PHKB: variants seen among roughly 807,000 people sequenced by gnomAD.
The protein encoded by PHKB is phosphorylase b kinase regulatory subunit beta.
In PHKB, 122 loss-of-function variants were observed where a neutral mutation model predicts 152.1. That is an observed-to-expected ratio of 0.80 (90% CI 0.69 to 0.93). PHKB has a LOEUF of 0.93. PHKB is among the 40% of genes least tolerant of loss of function. The pLI, the probability that PHKB is intolerant of heterozygous loss-of-function variation, is 0.00. For missense variants in PHKB, 1,304 were observed against 1,328.4 expected, an observed-to-expected ratio of 0.98 and a Z score of 0.29; for synonymous variants, 436 against 464.9, an observed-to-expected ratio of 0.94 and a Z score of 0.80.
chr16:47,520,394 T>C lies in PHKB; in HGVS notation c.594+4793T>C, dbSNP rs1597051428. ...AGGTAGGTACAGTTACTATCTTCAT[T>C]TTACAAATGACCAAAATAATGCAGA... On this transcript the variant is annotated intron_variant, in intron 6 of 30. Transcript: ENST00000323584. Among the ~76,000 whole-genome samples the C allele has an allele frequency of 3.9e-5, 6 of 152,316 alleles. No individual in the cohort carries two copies. In the South Asian group the frequency reaches 1.2e-3, roughly 32 times the overall value.
At chr16:47,650,485 G>C in intron 18 of PHKB, 59 bp from the exon 19 acceptor site, 2 of 987,206 alleles carry the variant, frequency 2.0e-6, no homozygotes, top group Non-Finnish European at 3.3e-6. Flanking sequence ...ACTCATGGTT[G>C]AGCATCCTGT....
chr16:47,656,307 G>GCA (rs1567343844), intron 20 of PHKB, among the ~76,000 whole-genome samples: 1 of 152,152 alleles, frequency 6.6e-6, no homozygotes, highest in Non-Finnish European at 1.5e-5. Context: ...GTGAGCCACC[G>GCA]CGCCTGGCCA....
intron 26 of PHKB, among the ~76,000 whole-genome samples, chr16:47,682,903 T>C (rs1973889391): frequency 6.6e-6 from 1 of 152,222 alleles, no homozygotes; most frequent in Non-Finnish European, 1.5e-5. Context: ...TTTTATCTAC[T>C]TTTGGTCTTT....
intron 2 of PHKB, 113 bp downstream of exon 2, chr16:47,497,601 G>T (rs1027607330): frequency 9.6e-6 from 7 of 732,504 alleles, no homozygotes; most frequent in Non-Finnish European, 1.7e-5. Flanking sequence ...TTGGGATTTG[G>T]GGTACTTTCA....
At chr16:47,595,082 AAATAAT>A (rs1211201931) in intron 12 of PHKB, among the ~76,000 whole-genome samples, 4 of 152,242 alleles carry the variant, frequency 2.6e-5, no homozygotes, top group Non-Finnish European at 5.9e-5. Context: ...TTTATGCTAC[AAATAAT>A]CACTTGTCCA....
intron 5 of PHKB, 102 bp downstream of exon 5, chr16:47,511,874 T>C (rs887676109): frequency 2.0e-5 from 15 of 766,608 alleles, no homozygotes; most frequent in Non-Finnish European, 3.5e-5. Context: ...GAAAACAAGT[T>C]TTCCACGGAT....
chr16:47,544,502 T>C (rs914249321), intron 6 of PHKB, among the ~76,000 whole-genome samples: 1 of 152,226 alleles, frequency 6.6e-6, no homozygotes, highest in African/African-American at 2.4e-5. Context: ...AGTGCTTTAC[T>C]TCCACGTATG....
chr16:47,699,500 G>C lies in PHKB; in HGVS notation c.*134G>C. On this transcript the variant is annotated 3_prime_UTR_variant, in exon 31 of 31. Coordinates refer to ENST00000323584, the MANE Select transcript of PHKB (RefSeq NM_000293.3). ...GAGGTGAATGCCACATCCTTGGCGG[G>C]GTTATGGACCTCTTGCATGTCATAG... 1.0e-6 allele frequency: 1 copy of C among 976,426 alleles called. No homozygotes were observed. Among genetic ancestry groups the C allele is most frequent in the East Asian group, 2.4e-5 (1 of 41,944 alleles). 60.5% of individuals were successfully genotyped at this position (976,426 alleles called of 1,614,324 possible). A position where few individuals can be genotyped will look rare whatever the true frequency, so the allele number is the denominator to read the frequency against.
intron 7 of PHKB, among the ~76,000 whole-genome samples, chr16:47,568,083 C>G (rs1452187916): frequency 6.6e-6 from 1 of 151,966 alleles, no homozygotes; most frequent in African/African-American, 2.4e-5. Context: ...CCTGCTCTGT[C>G]TTTTGGAATA....
At position 47,507,865 on chromosome 16, in the gene PHKB, G is replaced by A. The variant is rs546054939; in HGVS notation, c.406-3800G>A. The stretch of plus-strand genomic sequence containing the variant: ...CCTTCACATCTTGTTGCTGCTTGCC[G>A]TTCTTTTCCTCCTGTCTTGGCCATT... On this transcript the variant is annotated intron_variant, in intron 4 of 30. Transcript: ENST00000323584. 6.6e-5 allele frequency among the ~76,000 whole-genome samples: 10 copies of A among 152,244 alleles called. No individual in the cohort carries two copies. The South Asian group carries it at 1.9e-3, about 28-fold the overall frequency.
chr16:47,530,657 A>T (rs1970846871), intron 6 of PHKB, among the ~76,000 whole-genome samples: 1 of 152,248 alleles, frequency 6.6e-6, no homozygotes, highest in Non-Finnish European at 1.5e-5. Flanking sequence ...TGATCAACAT[A>T]TGGAGAGCAA....
intron 14 of PHKB, among the ~76,000 whole-genome samples, chr16:47,637,125 G>C (rs1034250771): frequency 6.6e-6 from 1 of 152,148 alleles, no homozygotes; most frequent in Non-Finnish European, 1.5e-5. Flanking sequence ...TCCCACTGCG[G>C]GTCTCCTCTC....
At chr16:47,526,068 G>C (rs537928632) in intron 6 of PHKB, among the ~76,000 whole-genome samples, 56 of 152,180 alleles carry the variant, frequency 3.7e-4, no homozygotes, top group Non-Finnish European at 7.2e-4. Flanking sequence ...TGCTACTCAA[G>C]AAGAACTAAC....
intron 2 of PHKB, among the ~76,000 whole-genome samples, chr16:47,498,014 G>T: frequency 6.6e-6 from 1 of 152,274 alleles, no homozygotes; most frequent in East Asian, 1.9e-4. Flanking sequence ...TCAGATATGT[G>T]TATAAGGGCC....
At chr16:47,630,041 G>C (rs191590087) in intron 14 of PHKB, among the ~76,000 whole-genome samples, 12 of 152,026 alleles carry the variant, frequency 7.9e-5, no homozygotes, top group African/African-American at 2.4e-4. Context: ...GGGGGAGGAG[G>C]GGGGGATGGC....
chr16:47,645,225 C>A (rs1393802859), intron 16 of PHKB, among the ~76,000 whole-genome samples: 1 of 145,550 alleles, frequency 6.9e-6, no homozygotes, highest in African/African-American at 2.6e-5. Flanking sequence ...TAATTAGATC[C>A]CATTTGTCAA....
chr16:47,647,515 T>C (rs1402812470), intron 16 of PHKB, among the ~76,000 whole-genome samples: 1 of 151,894 alleles, frequency 6.6e-6, no homozygotes, highest in Non-Finnish European at 1.5e-5. Flanking sequence ...TTTTTTTTTT[T>C]GAGACGGAGT....
chr16:47,567,159 A>G (rs1056108090), intron 7 of PHKB, among the ~76,000 whole-genome samples: 2 of 152,160 alleles, frequency 1.3e-5, no homozygotes, highest in Non-Finnish European at 1.5e-5. Flanking sequence ...TAGGAGTTGC[A>G]TTGAATCTAT....
intron 7 of PHKB, among the ~76,000 whole-genome samples, chr16:47,548,701 A>G (rs1365062651): frequency 1.3e-5 from 2 of 152,194 alleles, no homozygotes; most frequent in African/African-American, 4.8e-5. Flanking sequence ...ACACACAAAA[A>G]TAAGATGACA....
Sources: gnomAD v4.1 joint callset for allele counts (sites outside exome capture counted in the v4.1 genomes callset) on GRCh38, gnomAD v4.1.1 for gene constraint, MANE v1.5 for transcripts, NCBI Gene and HGNC (gene_info 2026-07-23, HGNC 2026-07-21) for gene names.